Variants in GABRG3 observed in about 807,000 individuals in gnomAD.
The protein encoded by GABRG3 is gamma-aminobutyric acid receptor subunit gamma-3.
In GABRG3, 25 loss-of-function variants were observed where a neutral mutation model predicts 48.8. The observed-to-expected ratio is 0.51, with a 90% confidence interval of 0.37 to 0.72. The LOEUF is 0.72. GABRG3 is among the 30% of genes least tolerant of loss of function. GABRG3 has a pLI of 0.00. For missense variants in GABRG3, 394 were observed against 577.9 expected (o/e 0.68, Z 3.26); for synonymous variants, 227 against 217.6 (o/e 1.04, Z -0.38).
chr15:27,453,598 CTTGT>C lies in GABRG3; in HGVS notation c.575-27033_575-27030del, dbSNP rs537480795. ...AAAACAACACAGACTTTATTCTTTT[CTTGT>C]TTGTTTGTTTGTTTGTTTAGACAGA... is the stretch of plus-strand genomic sequence containing the variant. On this transcript the variant is annotated intron_variant, in intron 5 of 9. Coordinates refer to ENST00000615808, the MANE Select transcript of GABRG3 (RefSeq NM_033223.5). Among the ~76,000 whole-genome samples the C allele has an allele frequency of 1.6e-3, 246 of 152,130 alleles. 1 individual carries two copies. Among genetic ancestry groups the C allele is most frequent in the African/African-American group, 5.4e-3 (223 of 41,544 alleles).
chr15:27,349,734 C>A (rs1894491710), intron 5 of GABRG3, among the ~76,000 whole-genome samples: 2 of 152,152 alleles, frequency 1.3e-5, no homozygotes, highest in Non-Finnish European at 1.5e-5. Context: ...AAGTTTTGCA[C>A]AGGCACAGTT....
chr15:27,399,197 G>A (rs1887408570), intron 5 of GABRG3, among the ~76,000 whole-genome samples: 1 of 152,182 alleles, frequency 6.6e-6, no homozygotes, highest in African/African-American at 2.4e-5. Flanking sequence ...TTAATAACGG[G>A]CTTTCTATTG....
At chr15:27,245,914 G>T (rs1446063221) in intron 3 of GABRG3, among the ~76,000 whole-genome samples, 2 of 152,192 alleles carry the variant, frequency 1.3e-5, no homozygotes, top group Non-Finnish European at 2.9e-5. Context: ...TCTGTAGGTT[G>T]TACAAGGGCG....
intron 3 of GABRG3, among the ~76,000 whole-genome samples, chr15:27,107,269 A>G (rs1897466551): frequency 6.6e-6 from 1 of 151,936 alleles, no homozygotes; most frequent in African/African-American, 2.4e-5. Flanking sequence ...TTCATGAATG[A>G]GTGTTCAGTG....
intron 5 of GABRG3, chr15:27,418,747 T>A (rs1203535826): frequency 6.6e-6 from 1 of 152,252 alleles, no homozygotes; most frequent in African/African-American, 2.4e-5. Flanking sequence ...GTTTTCTTTT[T>A]CAACCTGGGG....
chr15:27,250,330 T>G (rs1299560220), intron 3 of GABRG3, among the ~76,000 whole-genome samples: 4 of 152,172 alleles, frequency 2.6e-5, no homozygotes, highest in African/African-American at 9.7e-5. Flanking sequence ...TTTAATCAAG[T>G]TAAAGGTAAA....
At chr15:27,015,981 T>C (rs935667752) in intron 2 of GABRG3, among the ~76,000 whole-genome samples, 2 of 152,204 alleles carry the variant, frequency 1.3e-5, no homozygotes, top group Non-Finnish European at 2.9e-5. Context: ...ACACTTGATG[T>C]TGTTGATGAC....
At chr15:27,477,585 C>T (rs1048332606) in intron 5 of GABRG3, among the ~76,000 whole-genome samples, 12 of 152,124 alleles carry the variant, frequency 7.9e-5, no homozygotes, top group African/African-American at 2.4e-4. Flanking sequence ...TTAGTAATAA[C>T]GACATGATTA....
At chr15:27,336,170 C>G (rs959085250) in intron 5 of GABRG3, among the ~76,000 whole-genome samples, 1 of 135,312 alleles carries the variant, frequency 7.4e-6, no homozygotes, top group Non-Finnish European at 1.6e-5. Flanking sequence ...GCCTGGGAAA[C>G]AAGAGCAAGA....
intron 5 of GABRG3, among the ~76,000 whole-genome samples, chr15:27,465,227 G>C (rs1412671752): frequency 6.6e-6 from 1 of 152,200 alleles, no homozygotes; most frequent in Non-Finnish European, 1.5e-5. Context: ...TGGGACCAAG[G>C]ATCAGTGGCA....
intron 3 of GABRG3, among the ~76,000 whole-genome samples, chr15:27,201,227 G>T (rs557720143): frequency 3.3e-5 from 5 of 151,732 alleles, no homozygotes; most frequent in African/African-American, 7.3e-5. Flanking sequence ...ACAGCTTCCC[G>T]CCCCTCAAGT....
chr15:27,101,583 G>A (rs116088147), intron 3 of GABRG3, among the ~76,000 whole-genome samples: 2,785 of 152,220 alleles, frequency 0.018, 96 homozygotes, highest in African/African-American at 0.065. Context: ...TGGCAGAGGA[G>A]TAGACACATA....
intron 5 of GABRG3, among the ~76,000 whole-genome samples, chr15:27,427,852 A>G (rs1391528520): frequency 2.6e-5 from 4 of 152,044 alleles, no homozygotes; most frequent in African/African-American, 9.7e-5. Context: ...TGGCTTGTTA[A>G]TTTCAACTTC....
Position 27,327,076 on chromosome 15 carries a change from T to C in GABRG3, c.491+47T>C, listed in dbSNP as rs753615422. 4.0e-6 allele frequency: 6 copies of C among 1,501,220 alleles called. No homozygotes were observed. The South Asian group carries it at 7.0e-5, about 18-fold the overall frequency. 93.0% of individuals were successfully genotyped at this position (1,501,220 alleles called of 1,614,324 possible). A position where few individuals can be genotyped will look rare whatever the true frequency, so the allele number is the denominator to read the frequency against. On this transcript the variant is annotated intron_variant, in intron 4 of 9. Coordinates refer to ENST00000615808, the MANE Select transcript of GABRG3 (RefSeq NM_033223.5). Reference sequence around the variant, plus strand: ...TGATTACTCCTGGTTTAAAATGGGATCCTTAATTTGAATCACTGTAGGAAT... The same window carrying C: ...TGATTACTCCTGGTTTAAAATGGGACCCTTAATTTGAATCACTGTAGGAAT...
chr15:27,037,290 A>G (rs1420960368), intron 3 of GABRG3, among the ~76,000 whole-genome samples: 1 of 152,190 alleles, frequency 6.6e-6, no homozygotes. Flanking sequence ...CCTAGCCTAC[A>G]TTTCGCAGGT....
At chr15:27,420,982 G>A (rs1000386096) in intron 5 of GABRG3, among the ~76,000 whole-genome samples, 2 of 152,116 alleles carry the variant, frequency 1.3e-5, no homozygotes, top group Admixed American at 1.3e-4. Flanking sequence ...TGTGCCACTC[G>A]AATTTAAAAC....
rs192462074 is a variant in GABRG3, at chr15:27,446,409, A to G, written c.575-34241A>G. On this transcript the variant is annotated intron_variant, in intron 5 of 9. Transcript: ENST00000615808. Reference sequence around the variant, plus strand: ...ACCGACCCCTGAAATATCTTAGGAAACACAAGTGCAATAGCATTCCAAATG... The same window carrying G: ...ACCGACCCCTGAAATATCTTAGGAAGCACAAGTGCAATAGCATTCCAAATG... Among the ~76,000 whole-genome samples, 795 of 152,314 alleles carry G rather than the reference A, an allele frequency of 5.2e-3. 4 individuals carry two copies. Among genetic ancestry groups the G allele is most frequent in the African/African-American group, 0.018 (759 of 41,570 alleles).
chr15:27,324,934 G>A (rs1382538359), intron 3 of GABRG3, among the ~76,000 whole-genome samples: 1 of 127,398 alleles, frequency 7.8e-6, no homozygotes, highest in Non-Finnish European at 1.6e-5. Context: ...AGGTTACTGG[G>A]TGGCAGCCTA....
intron 5 of GABRG3, among the ~76,000 whole-genome samples, chr15:27,359,313 TTA>T (rs1030713898): frequency 5.9e-5 from 9 of 152,268 alleles, no homozygotes; most frequent in African/African-American, 1.9e-4. Context: ...GCTTAAAATG[TTA>T]TGTCATTAAA....
Sources: gnomAD v4.1 joint callset for allele counts (sites outside exome capture counted in the v4.1 genomes callset) on GRCh38, gnomAD v4.1.1 for gene constraint, MANE v1.5 for transcripts, NCBI Gene and HGNC (gene_info 2026-07-23, HGNC 2026-07-21) for gene names.